Variants in NPAS3 observed in about 807,000 individuals in gnomAD.
The protein encoded by NPAS3 is neuronal PAS domain-containing protein 3.
In NPAS3, 14 loss-of-function variants were observed where a neutral mutation model predicts 73.1. The ratio of observed to expected loss-of-function variants is 0.19; its 90% CI spans 0.13 to 0.30. NPAS3 has a LOEUF of 0.30. Ranked by LOEUF, NPAS3 falls within the 10% of genes least tolerant of loss-of-function variation. NPAS3 has a pLI of 1.00. For missense variants in NPAS3, 1,096 were observed against 1,250.0 expected (o/e 0.88, Z 1.86); for synonymous variants, 620 against 541.5 (o/e 1.14, Z -2.01).
At chr14:33,177,348 G>A (rs11621534) in intron 2 of NPAS3, among the ~76,000 whole-genome samples, 20,794 of 151,456 alleles carry the variant, frequency 0.14, 1,644 homozygotes, top group East Asian at 0.32. Flanking sequence ...CACCTGCCTC[G>A]GCCTCCCAAA....
chr14:33,790,092 C>T (rs55770409), intron 9 of NPAS3, among the ~76,000 whole-genome samples: 60,070 of 151,612 alleles, frequency 0.4, 12,125 homozygotes, highest in East Asian at 0.57. Context: ...AGAATCTCTC[C>T]TTCTAGTTCC....
intron 5 of NPAS3, among the ~76,000 whole-genome samples, chr14:33,581,789 G>T (rs1353378756): frequency 2.6e-5 from 4 of 152,116 alleles, no homozygotes; most frequent in Admixed American, 1.3e-4. Context: ...GCCCAGGCTG[G>T]TCTCGAATTT....
At chr14:33,289,104 T>C (rs989079644) in intron 3 of NPAS3, among the ~76,000 whole-genome samples, 2 of 152,228 alleles carry the variant, frequency 1.3e-5, no homozygotes, top group African/African-American at 4.8e-5. Context: ...CCAAGTACTG[T>C]GATTAAGTGT....
At chr14:33,051,911 C>T (rs1484256038) in intron 1 of NPAS3, among the ~76,000 whole-genome samples, 1 of 152,084 alleles carries the variant, frequency 6.6e-6, no homozygotes, top group Non-Finnish European at 1.5e-5. Context: ...AGGCACATGC[C>T]ACCATGCCTG....
At chr14:33,221,788 C>G (rs2047439462) in intron 3 of NPAS3, among the ~76,000 whole-genome samples, 1 of 152,118 alleles carries the variant, frequency 6.6e-6, no homozygotes, top group South Asian at 2.1e-4. Flanking sequence ...TAAAACCCAT[C>G]CATTTCTGCC....
At chr14:33,550,151 C>A (rs1364280647) in intron 4 of NPAS3, among the ~76,000 whole-genome samples, 4 of 152,046 alleles carry the variant, frequency 2.6e-5, no homozygotes, top group African/African-American at 9.7e-5. Context: ...TCAATACAGC[C>A]AAGCACCACT....
At chr14:33,439,729 C>T (rs554515947) in intron 4 of NPAS3, among the ~76,000 whole-genome samples, 2 of 152,278 alleles carry the variant, frequency 1.3e-5, no homozygotes, top group African/African-American at 2.4e-5. Context: ...TGCTAATGGA[C>T]GGTTAAGTTT....
intron 4 of NPAS3, among the ~76,000 whole-genome samples, chr14:33,523,444 T>A: frequency 7.7e-6 from 1 of 129,310 alleles, no homozygotes; most frequent in Non-Finnish European, 1.6e-5. Context: ...AGAGCGAGAC[T>A]CTGTCTCAAA....
chr14:33,547,068 C>A (rs1182132139), intron 4 of NPAS3, among the ~76,000 whole-genome samples: 4 of 152,114 alleles, frequency 2.6e-5, no homozygotes, highest in African/African-American at 9.7e-5. Context: ...GAGTAGAAGG[C>A]ACATACAGAA....
chr14:32,972,806 A>G (rs1478124140), intron 1 of NPAS3, among the ~76,000 whole-genome samples: 1 of 152,206 alleles, frequency 6.6e-6, no homozygotes, highest in East Asian at 1.9e-4. Flanking sequence ...AAATGGATAG[A>G]AGTGATAGAA....
At chr14:33,644,767 A>T (rs373390050) in intron 5 of NPAS3, among the ~76,000 whole-genome samples, 13 of 152,184 alleles carry the variant, frequency 8.5e-5, no homozygotes, top group East Asian at 7.7e-4. Context: ...TGTTTTCTTT[A>T]AAAAAAGAAA....
intron 2 of NPAS3, among the ~76,000 whole-genome samples, chr14:33,095,048 A>G (rs2042359287): frequency 1.3e-5 from 2 of 152,258 alleles, no homozygotes; most frequent in African/African-American, 4.8e-5. Context: ...GGCAAAAAGC[A>G]GTTAACGTAT....
chr14:33,304,697 G>C (rs766373420), intron 3 of NPAS3, among the ~76,000 whole-genome samples: 1 of 152,020 alleles, frequency 6.6e-6, no homozygotes, highest in Non-Finnish European at 1.5e-5. Context: ...TTTCTAAACA[G>C]TATAATGAGC....
chr14:33,422,134 C>T (rs937090344), intron 4 of NPAS3, among the ~76,000 whole-genome samples: 5 of 151,838 alleles, frequency 3.3e-5, no homozygotes, highest in Admixed American at 2.6e-4. Flanking sequence ...CACTGAGCAG[C>T]GGCCAAGACT....
chr14:33,287,581 T>C (rs1363181487), intron 3 of NPAS3, among the ~76,000 whole-genome samples: 1 of 152,128 alleles, frequency 6.6e-6, no homozygotes, highest in South Asian at 2.1e-4. Flanking sequence ...ATTCTCTCCA[T>C]ATTTACTTAC....
At chr14:33,106,470 T>C (rs976341481) in intron 2 of NPAS3, among the ~76,000 whole-genome samples, 3 of 152,140 alleles carry the variant, frequency 2.0e-5, no homozygotes, top group Non-Finnish European at 4.4e-5. Context: ...TCAAAATTGC[T>C]ATCAAAATTT....
intron 3 of NPAS3, among the ~76,000 whole-genome samples, chr14:33,218,794 T>C (rs1461815411): frequency 1.3e-5 from 2 of 152,196 alleles, no homozygotes; most frequent in Non-Finnish European, 2.9e-5. Flanking sequence ...TTTTAATTTA[T>C]GGCTTCAGAA....
At chr14:33,224,671 C>T (rs1238196181) in intron 3 of NPAS3, among the ~76,000 whole-genome samples, 2 of 151,976 alleles carry the variant, frequency 1.3e-5, no homozygotes, top group African/African-American at 2.4e-5. Flanking sequence ...CTCTATGTTC[C>T]GCTACTTACG....
intron 2 of NPAS3, among the ~76,000 whole-genome samples, chr14:33,081,186 C>G (rs536700655): frequency 1.8e-4 from 28 of 152,268 alleles, no homozygotes; most frequent in African/African-American, 6.7e-4. Context: ...TGGCCGTAGA[C>G]TAGAGCTCTA....
Sources: gnomAD v4.1 joint callset for allele counts (sites outside exome capture counted in the v4.1 genomes callset) on GRCh38, gnomAD v4.1.1 for gene constraint, MANE v1.5 for transcripts, NCBI Gene and HGNC (gene_info 2026-07-23, HGNC 2026-07-21) for gene names.